Variants in GLP2R observed in about 807,000 individuals in gnomAD.
GLP2R encodes the protein glucagon like peptide 2 receptor, also known as glucagon-like peptide 2 receptor.
In GLP2R, 59 loss-of-function variants were observed where a neutral mutation model predicts 68.2. The ratio of observed to expected loss-of-function variants is 0.87; its 90% CI spans 0.70 to 1.07. The LOEUF is 1.07. Ranked by LOEUF, GLP2R falls within the 50% of genes least tolerant of loss-of-function variation. The probability of loss-of-function intolerance (pLI) is 0.00; values close to 1 mark genes in which losing one functional copy is unlikely to be tolerated. For synonymous variants in GLP2R, 270 were observed against 265.4 expected (o/e 1.02, Z -0.17); for missense variants, 548 against 677.4 (o/e 0.81, Z 2.12).
At chr17:9,857,874 G>T (rs1173367250) in intron 6 of GLP2R, among the ~76,000 whole-genome samples, 1 of 152,154 alleles carries the variant, frequency 6.6e-6, no homozygotes, top group African/African-American at 2.4e-5. Context: ...ATTATAGCTG[G>T]CCCTCTGTAT....
At chr17:9,871,721 C>CTTTTTTTTTTTTT (rs372099240) in intron 10 of GLP2R, among the ~76,000 whole-genome samples, 11 of 102,310 alleles carry the variant, frequency 1.1e-4, no homozygotes, top group Admixed American at 3.2e-4. Flanking sequence ...TACTTTCTTT[C>CTTTTTTTTTTTTT]TTTTTTTTTT....
chr17:9,859,033 CT>C (rs949774243), intron 6 of GLP2R, among the ~76,000 whole-genome samples: 7 of 151,922 alleles, frequency 4.6e-5, no homozygotes, highest in South Asian at 2.1e-4. Context: ...CTTTTTCTAA[CT>C]TTTTTTTACA....
At chr17:9,827,944 G>C (rs1443603052) in intron 1 of GLP2R, among the ~76,000 whole-genome samples, 2 of 142,830 alleles carry the variant, frequency 1.4e-5, no homozygotes. Context: ...CTGGGCAGTA[G>C]AGTGAGGATC....
In GLP2R at chr17:9,879,328, AATAAAATAAAAT is replaced by A. The variant is rs1224348202; in HGVS notation, c.1146-1048_1146-1037del. Among the ~76,000 whole-genome samples the A allele has an allele frequency of 2.6e-4, 30 of 115,224 alleles. 1 individual carries two copies. Among genetic ancestry groups the A allele is most frequent in the East Asian group, 3.7e-4 (1 of 2,690 alleles). 75.6% of individuals were successfully genotyped at this position (115,224 alleles called of 152,430 possible). On this transcript the variant is annotated intron_variant, in intron 10 of 12. Coordinates refer to ENST00000262441, the MANE Select transcript of GLP2R (RefSeq NM_004246.3). Reference sequence around the variant, plus strand: ...AATAAAATAAAATAAAATAAAATAAAATAAAATAAAATAAAATAATTATCCAGGCACAGTTGT... The same window carrying A: ...AATAAAATAAAATAAAATAAAATAAAAAAATAATTATCCAGGCACAGTTGT...
chr17:9,858,660 A>G (rs2066955822), intron 6 of GLP2R, among the ~76,000 whole-genome samples: 1 of 152,266 alleles, frequency 6.6e-6, no homozygotes, highest in South Asian at 2.1e-4. Context: ...TTACGAATCT[A>G]ATATCCAGAT....
intron 9 of GLP2R, among the ~76,000 whole-genome samples, chr17:9,867,935 C>T (rs561127663): frequency 2.2e-4 from 33 of 152,280 alleles, no homozygotes; most frequent in Non-Finnish European, 4.3e-4. Flanking sequence ...TCTGTGGCTT[C>T]AGGCTTCCCA....
intron 1 of GLP2R, among the ~76,000 whole-genome samples, chr17:9,828,302 C>T (rs893950108): frequency 2.0e-5 from 3 of 152,202 alleles, no homozygotes; most frequent in Non-Finnish European, 1.5e-5. Flanking sequence ...GGAAGGTGGC[C>T]CTGGCCTGCC....
At chr17:9,835,266 A>G (rs1238139076) in intron 2 of GLP2R, among the ~76,000 whole-genome samples, 1 of 151,906 alleles carries the variant, frequency 6.6e-6, no homozygotes, top group East Asian at 1.9e-4. Context: ...TGACCTCGTG[A>G]TCCAGAATCC....
intron 4 of GLP2R, among the ~76,000 whole-genome samples, chr17:9,847,099 A>G (rs111263609): frequency 0.049 from 7,528 of 152,334 alleles, 193 homozygotes; most frequent in East Asian, 0.092. Flanking sequence ...GAGGATGCAC[A>G]GTAGCGCAGC....
At chr17:9,841,463 G>A (rs1057452377) in intron 3 of GLP2R, among the ~76,000 whole-genome samples, 27 of 152,154 alleles carry the variant, frequency 1.8e-4, no homozygotes, top group African/African-American at 6.5e-4. Context: ...GGTGAAAGTG[G>A]CAGTCAGATT....
At chr17:9,859,712 G>A (rs944023109) in intron 6 of GLP2R, among the ~76,000 whole-genome samples, 3 of 149,674 alleles carry the variant, frequency 2.0e-5, no homozygotes, top group East Asian at 2.0e-4. Flanking sequence ...CTAGCTACTC[G>A]GGGGGCTGAC....
chr17:9,877,430 G>T (rs991314684), intron 10 of GLP2R, among the ~76,000 whole-genome samples: 1 of 152,112 alleles, frequency 6.6e-6, no homozygotes, highest in Non-Finnish European at 1.5e-5. Flanking sequence ...TTAAAAAATT[G>T]TTATTCTTTA....
At chr17:9,828,664 C>T (rs1191350046) in intron 1 of GLP2R, among the ~76,000 whole-genome samples, 1 of 152,088 alleles carries the variant, frequency 6.6e-6, no homozygotes, top group Admixed American at 6.6e-5. Flanking sequence ...GCACTGTAGC[C>T]GTTGTGCCTA....
At chr17:9,837,411 C>T (rs1472030188) in intron 3 of GLP2R, among the ~76,000 whole-genome samples, 1 of 152,164 alleles carries the variant, frequency 6.6e-6, no homozygotes, top group East Asian at 1.9e-4. Context: ...CTAAATTTGG[C>T]TGCAGTGGGG....
At chr17:9,866,775 A>C (rs1483374762) in intron 9 of GLP2R, 1 of 152,196 alleles carries the variant, frequency 6.6e-6, no homozygotes, top group African/African-American at 2.4e-5. Context: ...TGACTGAACC[A>C]ATATCTGCCT....
chr17:9,842,924 C>T (rs984633651), intron 4 of GLP2R, among the ~76,000 whole-genome samples: 11 of 152,176 alleles, frequency 7.2e-5, no homozygotes, highest in African/African-American at 2.4e-4. Context: ...TCCTTCTCAC[C>T]ATCCAGGGTT....
intron 10 of GLP2R, among the ~76,000 whole-genome samples, chr17:9,876,919 C>A (rs1016734017): frequency 3.3e-5 from 5 of 152,244 alleles, no homozygotes; most frequent in South Asian, 2.1e-4. Flanking sequence ...ACCATTTTTT[C>A]TGAGGGTTTA....
chr17:9,849,000 C>A (rs373970479), intron 4 of GLP2R, among the ~76,000 whole-genome samples: 4 of 146,220 alleles, frequency 2.7e-5, no homozygotes, highest in African/African-American at 1.0e-4. Flanking sequence ...TTAAAAAGTG[C>A]GTCTATTCTT....
At position 9,846,781 on chromosome 17, in the gene GLP2R, C is replaced by T. The variant is rs577657495; in HGVS notation, c.504+4165C>T. On this transcript the variant is annotated intron_variant, in intron 4 of 12. Transcript: ENST00000262441. Reference sequence around the variant, plus strand: ...TTCTATACCTGAATTTAACACAAAACATTAATCAATGTAGTGGTGCGATCA... The same window carrying T: ...TTCTATACCTGAATTTAACACAAAATATTAATCAATGTAGTGGTGCGATCA... Among the ~76,000 whole-genome samples, 72 of 152,246 alleles carry T rather than the reference C, an allele frequency of 4.7e-4. 1 individual carries two copies. The highest frequency in any genetic ancestry group is 1.6e-3 in the African/African-American group (67 of 41,562).
Sources: allele counts gnomAD v4.1 joint callset (sites outside exome capture counted in the v4.1 genomes callset), GRCh38; gene constraint gnomAD v4.1.1; transcripts MANE v1.5; gene names NCBI Gene and HGNC (gene_info 2026-07-23, HGNC 2026-07-21).